Variants in DPP6 observed in about 807,000 individuals in gnomAD.
The protein encoded by DPP6 is dipeptidyl peptidase like 6.
In DPP6, 69 loss-of-function variants were observed where a neutral mutation model predicts 122.6. The observed-to-expected ratio is 0.56, with a 90% CI of 0.46 to 0.69. The LOEUF is 0.69. DPP6 is among the 30% of genes least tolerant of loss of function. The probability of loss-of-function intolerance (pLI) is 0.00; values close to 1 mark genes in which losing one functional copy is unlikely to be tolerated. For synonymous variants in DPP6, 418 were observed against 433.1 expected (o/e 0.97, Z 0.43); for missense variants, 928 against 1,116.9 (o/e 0.83, Z 2.41).
intron 2 of DPP6, among the ~76,000 whole-genome samples, chr7:154,452,852 A>C (rs1178160554): frequency 1.3e-5 from 2 of 152,224 alleles, no homozygotes; most frequent in Non-Finnish European, 2.9e-5. Context: ...TTAGAAATCA[A>C]ATTAAAAGTG....
In DPP6 at chr7:154,735,986, A is replaced by C. The variant is rs770938717; in HGVS notation, c.883+8099A>C. Among the ~76,000 whole-genome samples the C allele has an allele frequency of 1.2e-4, 19 of 152,186 alleles. 1 individual carries two copies. Among genetic ancestry groups the C allele is most frequent in the African/African-American group, 3.9e-4 (16 of 41,428 alleles). ...GCCATCGTCTGCTCTCAACGTAGCA[A>C]TCATGGCATCATGGCTGCCTCAGTG... is the stretch of plus-strand genomic sequence containing the variant. On this transcript the variant is annotated intron_variant, in intron 8 of 25. Coordinates refer to ENST00000377770, the MANE Select transcript of DPP6 (RefSeq NM_130797.4).
At chr7:154,828,061 T>A (rs1420002727) in intron 16 of DPP6, among the ~76,000 whole-genome samples, 1 of 152,170 alleles carries the variant, frequency 6.6e-6, no homozygotes, top group Non-Finnish European at 1.5e-5. Flanking sequence ...TTCAGCTGAA[T>A]CTTCCTGGGA....
chr7:154,530,465 A>T (rs1216957616), intron 3 of DPP6, among the ~76,000 whole-genome samples: 1 of 152,118 alleles, frequency 6.6e-6, no homozygotes, highest in East Asian at 1.9e-4. Context: ...CAGTTATCCC[A>T]GAACTTGAAA....
the DPP6 span, among the ~76,000 whole-genome samples, chr7:153,827,606 C>T: frequency 6.6e-6 from 1 of 152,132 alleles, no homozygotes; most frequent in African/African-American, 2.4e-5. Context: ...AAATGCTCAT[C>T]TCTTGCCAAA....
At chr7:154,431,534 CTT>C (rs67861044) in intron 1 of DPP6, among the ~76,000 whole-genome samples, 42,267 of 98,674 alleles carry the variant, frequency 0.43, 11,036 homozygotes, top group Non-Finnish European at 0.53. Flanking sequence ...TTCTTTCTTT[CTT>C]TTTTTTTTTT....
chr7:154,759,898 C>A (rs747174144), intron 8 of DPP6, among the ~76,000 whole-genome samples: 1 of 152,136 alleles, frequency 6.6e-6, no homozygotes, highest in African/African-American at 2.4e-5. Context: ...CCAAGGAGGG[C>A]GGATCACGAG....
At chr7:154,859,831 C>T (rs562112240) in intron 17 of DPP6, among the ~76,000 whole-genome samples, 9 of 152,274 alleles carry the variant, frequency 5.9e-5, no homozygotes, top group South Asian at 2.1e-4. Context: ...CACTTAGAGA[C>T]GTGGATGCCA....
intron 1 of DPP6, among the ~76,000 whole-genome samples, chr7:154,060,497 C>T (rs1199822539): frequency 7.3e-6 from 1 of 137,028 alleles, no homozygotes; most frequent in Non-Finnish European, 1.6e-5. Flanking sequence ...ATCCTAAGAT[C>T]CTTAGGACCC....
rs190021267 is a variant in DPP6, at chr7:154,328,697, G to C, written c.244-117517G>C. ...GAAAAATCAAGCCCACAGAAATGGA[G>C]GGTTTACTTAATGGAGGGTGTACAT... On this transcript the variant is annotated intron_variant, in intron 1 of 25. Transcript: ENST00000377770. 3.0e-3 allele frequency among the ~76,000 whole-genome samples: 457 copies of C among 152,292 alleles called. 4 individuals carry two copies. The highest frequency in any genetic ancestry group is 6.8e-3 in the Middle Eastern group (2 of 294).
intron 5 of DPP6, among the ~76,000 whole-genome samples, chr7:154,574,618 ATGTGTGTGGTGTG>A (rs1461567681): frequency 2.8e-5 from 3 of 105,774 alleles, no homozygotes; most frequent in African/African-American, 7.7e-5. Flanking sequence ...TTTGGGGTGT[ATGTGTGTGGTGTG>A]TGTGTGTGGT....
chr7:154,382,390 A>G (rs1586115534), intron 1 of DPP6, among the ~76,000 whole-genome samples: 2 of 152,164 alleles, frequency 1.3e-5, no homozygotes, highest in East Asian at 3.9e-4. Context: ...AGGATTGCTG[A>G]CGGATGGTGT....
In DPP6 at chr7:154,553,221, G is replaced by A. The variant is rs117479771; in HGVS notation, c.552+12595G>A. The stretch of plus-strand genomic sequence containing the variant: ...GGCTTTGAAGACACAGGAGAAGTTG[G>A]TTTAAGTTACATCACAGGAGTAGAA... On this transcript the variant is annotated intron_variant, in intron 4 of 25. Coordinates refer to ENST00000377770, the MANE Select transcript of DPP6 (RefSeq NM_130797.4). Among the ~76,000 whole-genome samples the A allele has an allele frequency of 3.4e-3, 512 of 152,346 alleles. 1 individual carries two copies. Among genetic ancestry groups the A allele is most frequent in the Non-Finnish European group, 5.0e-3 (342 of 68,026 alleles).
chr7:153,812,741 T>C, the DPP6 span, among the ~76,000 whole-genome samples: 1 of 152,176 alleles, frequency 6.6e-6, no homozygotes, highest in African/African-American at 2.4e-5. Context: ...GACTCAGGCA[T>C]TGAAGTAGCC....
chr7:154,150,550 G>C (rs1796359528), intron 1 of DPP6, among the ~76,000 whole-genome samples: 2 of 152,190 alleles, frequency 1.3e-5, no homozygotes, highest in African/African-American at 2.4e-5. Flanking sequence ...AGGACTGGAG[G>C]GTCAGTCTGA....
At chr7:154,402,858 A>T (rs1815757220) in intron 1 of DPP6, among the ~76,000 whole-genome samples, 1 of 152,198 alleles carries the variant, frequency 6.6e-6, no homozygotes, top group Admixed American at 6.5e-5. Context: ...TTGGGAAAGC[A>T]ATAAGGCTGA....
At chr7:154,715,935 C>T (rs945662702) in intron 7 of DPP6, among the ~76,000 whole-genome samples, 2 of 152,158 alleles carry the variant, frequency 1.3e-5, no homozygotes, top group Non-Finnish European at 1.5e-5. Flanking sequence ...TTCTTCATTT[C>T]CCATCTTAAT....
At chr7:154,196,174 A>G (rs1481479526) in intron 1 of DPP6, among the ~76,000 whole-genome samples, 1 of 152,194 alleles carries the variant, frequency 6.6e-6, no homozygotes, top group Non-Finnish European at 1.5e-5. Flanking sequence ...TACAGCTGGA[A>G]TGTAATCTTG....
chr7:154,666,100 A>G (rs1269457752), intron 6 of DPP6, among the ~76,000 whole-genome samples: 3 of 151,490 alleles, frequency 2.0e-5, no homozygotes, highest in Non-Finnish European at 4.4e-5. Context: ...CTTTTTCACA[A>G]AAGACTCGAT....
intron 1 of DPP6, among the ~76,000 whole-genome samples, chr7:154,444,678 G>A (rs1819703590): frequency 6.6e-6 from 1 of 152,200 alleles, no homozygotes; most frequent in Non-Finnish European, 1.5e-5. Flanking sequence ...TAGTACCACT[G>A]AAAGATTCCT....
Sources: allele counts gnomAD v4.1 joint callset (sites outside exome capture counted in the v4.1 genomes callset), GRCh38; gene constraint gnomAD v4.1.1; transcripts MANE v1.5; gene names NCBI Gene and HGNC (gene_info 2026-07-23, HGNC 2026-07-21).